The following CLEC20A variants were observed in gnomAD, a reference collection of about 807,000 sequenced individuals.
CLEC20A encodes putative C-type lectin domain family 20 member A.
At chr1:178,487,374 T>G (rs1466331147) in intron 5 of CLEC20A, among the ~76,000 whole-genome samples, 5 of 151,914 alleles carry the variant, frequency 3.3e-5, no homozygotes, top group Non-Finnish European at 5.9e-5. Flanking sequence ...CAGGGTGAGG[T>G]CCCTTAGTGA....
At chr1:178,478,900 T>C (rs1648859571), downstream of CLEC20A, 1 of 152,232 alleles carries the variant, frequency 6.6e-6, no homozygotes, top group South Asian at 2.1e-4. Flanking sequence ...TCTTCTAGCA[T>C]GCACCTGGGT....
intron 3 of CLEC20A, among the ~76,000 whole-genome samples, chr1:178,491,752 A>G (rs1572158838): frequency 6.6e-6 from 1 of 152,230 alleles, no homozygotes; most frequent in African/African-American, 2.4e-5. Context: ...TCTTCTCCAT[A>G]TCAGATAGGA....
At chr1:178,485,665 A>C (rs1002963242) in intron 5 of CLEC20A, among the ~76,000 whole-genome samples, 3 of 152,182 alleles carry the variant, frequency 2.0e-5, no homozygotes, top group Non-Finnish European at 4.4e-5. Flanking sequence ...GCTTCTAAAA[A>C]CAGGAAACAG....
At chr1:178,498,806 C>T (rs1029553944), upstream of CLEC20A, among the ~76,000 whole-genome samples, 1 of 152,188 alleles carries the variant, frequency 6.6e-6, no homozygotes, top group Non-Finnish European at 1.5e-5. Flanking sequence ...CCCCCTACCC[C>T]TTCTCACCCT....
At chr1:178,493,472 G>C (rs772569955) in intron 2 of CLEC20A, 6 of 152,678 alleles carry the variant, frequency 3.9e-5, no homozygotes, top group Admixed American at 2.0e-4. Flanking sequence ...CACTCTTACC[G>C]GGCAAGTGCT....
intron 5 of CLEC20A, chr1:178,486,499 T>G (rs1649146898): frequency 2.5e-6 from 1 of 398,152 alleles, no homozygotes; most frequent in South Asian, 1.3e-4. Flanking sequence ...GGCTGCAGAG[T>G]CAGGGGGTGC....
rs547342165 is a variant in CLEC20A, at chr1:178,486,313, A to G, written c.928+2188T>C. On this transcript the variant is annotated intron_variant, in intron 5 of 7. Coordinates refer to ENST00000623247, the Ensembl canonical transcript of CLEC20A. ...CACCACACCCCACCTCTCATCCTCA[A>G]CTCCCTGGCCTGCACCCTACTCATG... 11 of 397,396 alleles carry G rather than the reference A, an allele frequency of 2.8e-5. No homozygotes were observed. In the East Asian group the frequency reaches 3.2e-4, roughly 12 times the overall value. 24.6% of individuals were successfully genotyped at this position (397,396 alleles called of 1,614,324 possible).
intron 7 of CLEC20A, 190 bp from the exon 8 acceptor site, chr1:178,479,805 AG>A: frequency 2.7e-6 from 1 of 366,628 alleles, no homozygotes; most frequent in Non-Finnish European, 4.8e-6. Flanking sequence ...TAATTTTGTT[AG>A]CAAAAAAAAA....
chr1:178,486,482 G>C, intron 5 of CLEC20A: 1 of 398,780 alleles, frequency 2.5e-6, no homozygotes, highest in Non-Finnish European at 4.4e-6. Context: ...CGGGTGTCTT[G>C]GCTCAGGGCT....
chr1:178,496,728 G>A (rs899461326), intron 1 of CLEC20A, 172 bp downstream of exon 1: 1 of 397,580 alleles, frequency 2.5e-6, no homozygotes, highest in Non-Finnish European at 4.4e-6. Context: ...GGCGATGAGG[G>A]CGAAGCTCCC....
chr1:178,498,504 T>TG (rs544330989), upstream of CLEC20A, among the ~76,000 whole-genome samples: 64 of 152,320 alleles, frequency 4.2e-4, no homozygotes, highest in South Asian at 0.013. Context: ...ACAGGAGGAT[T>TG]GCTTGAGCAT....
chr1:178,487,322 C>T (rs1649173627), intron 5 of CLEC20A, among the ~76,000 whole-genome samples: 1 of 152,188 alleles, frequency 6.6e-6, no homozygotes, highest in Non-Finnish European at 1.5e-5. Flanking sequence ...CAGCTTCTGA[C>T]CCAAATCTGA....
intron 3 of CLEC20A, among the ~76,000 whole-genome samples, chr1:178,491,655 T>C (rs942240886): frequency 2.0e-5 from 3 of 152,140 alleles, no homozygotes; most frequent in African/African-American, 7.2e-5. Flanking sequence ...GCCCACGCCA[T>C]CTTCACTCTA....
chr1:178,494,937 C>A (rs1327279017), intron 1 of CLEC20A, 127 bp from the exon 2 acceptor site: 2 of 397,570 alleles, frequency 5.0e-6, no homozygotes, highest in Non-Finnish European at 8.9e-6. Context: ...TCGCCGCTGG[C>A]CCACCAGTCA....
chr1:178,482,876 G>T, intron 6 of CLEC20A: 1 of 253,278 alleles, frequency 3.9e-6, no homozygotes, highest in Non-Finnish European at 7.4e-6. Context: ...GCATTTTATT[G>T]TTTATAAAGT....
chr1:178,485,992 C>T (rs1434781671), intron 5 of CLEC20A, among the ~76,000 whole-genome samples: 2 of 152,140 alleles, frequency 1.3e-5, no homozygotes, highest in Non-Finnish European at 2.9e-5. Context: ...GAGTGTCTGC[C>T]AGATGCCAGG....
intron 7 of CLEC20A, 77 bp downstream of exon 7, chr1:178,482,235 A>G (rs1437179235): frequency 5.0e-6 from 2 of 397,990 alleles, no homozygotes; most frequent in East Asian, 3.6e-5. Context: ...TTCCACCTTA[A>G]TATATTGGTT....
chr1:178,488,828 A>G (rs1173772892), intron 4 of CLEC20A, among the ~76,000 whole-genome samples: 1 of 152,218 alleles, frequency 6.6e-6, no homozygotes, highest in Non-Finnish European at 1.5e-5. Context: ...CTTTAAGGAT[A>G]AGGATCATGC....
upstream of CLEC20A, chr1:178,497,258 C>G (rs1309654257): frequency 3.2e-6 from 1 of 308,982 alleles, no homozygotes; most frequent in Admixed American, 5.0e-5. Context: ...CCTTCTCCTG[C>G]CTTCCTGTCT....
Sources: gnomAD v4.1 joint callset for allele counts (sites outside exome capture counted in the v4.1 genomes callset) on GRCh38, gnomAD v4.1.1 for gene constraint, MANE v1.5 for transcripts, NCBI Gene and HGNC (gene_info 2026-07-23, HGNC 2026-07-21) for gene names.